The following SLC25A16 variants were observed in gnomAD, a reference collection of about 807,000 sequenced individuals.
SLC25A16 encodes the protein solute carrier family 25 member 16, also known as mitochondrial coenzyme A transporter SLC25A16.
In SLC25A16, 39 loss-of-function variants were observed where a neutral mutation model predicts 41.5. That is an observed-to-expected ratio of 0.94 (90% CI 0.73 to 1.23). The LOEUF is 1.23. Ranked by LOEUF, SLC25A16 falls within the 50% of genes most tolerant of loss-of-function variation. The pLI, the probability that SLC25A16 is intolerant of heterozygous loss-of-function variation, is 0.00. For missense variants in SLC25A16, 421 were observed against 426.9 expected (o/e 0.99, Z 0.12); for synonymous variants, 146 against 147.8 (o/e 0.99, Z 0.09).
intron 8 of SLC25A16, 59 bp from the exon 9 acceptor site, chr10:68,483,647 G>A (rs2052514399): frequency 2.8e-6 from 4 of 1,415,540 alleles, no homozygotes; most frequent in Non-Finnish European, 3.7e-6. Flanking sequence ...ACAATTTCAG[G>A]ATCCATAATA....
rs1434687303 is a variant in SLC25A16, at chr10:68,482,961, TAAC to T, written c.*468_*470del. 3 of 152,200 alleles carry T rather than the reference TAAC, an allele frequency of 2.0e-5. No individual in the cohort carries two copies. In the East Asian group the frequency reaches 5.8e-4, roughly 29 times the overall value. 9.4% of individuals were successfully genotyped at this position (152,200 alleles called of 1,614,324 possible). ...TGGAGCATAATTGTGAGAAGAGAGA[TAAC>T]AAAAATAAAATGTCAATGCTGGCTG... On this transcript the variant is annotated 3_prime_UTR_variant, in exon 9 of 9. Transcript: ENST00000609923.
Position 68,527,456 on chromosome 10 carries a change from A to T in SLC25A16, c.-81T>A. 7.4e-7 allele frequency: 1 copy of T among 1,346,116 alleles called. No homozygotes were observed. 83.4% of individuals were successfully genotyped at this position (1,346,116 alleles called of 1,614,324 possible). ...GACCATAGCCGGAACAGGCGGTGAC[A>T]GGAGGCTGACCGCCCCGCCGGCGGG... On this transcript the variant is annotated 5_prime_UTR_variant, in exon 1 of 9. Transcript: ENST00000609923.
chr10:68,495,561 A>C (rs1172292586), intron 4 of SLC25A16, among the ~76,000 whole-genome samples: 1 of 152,138 alleles, frequency 6.6e-6, no homozygotes, highest in Admixed American at 6.6e-5. Flanking sequence ...AGGTGGGTGG[A>C]TCACTTGAGA....
At chr10:68,489,411 C>T (rs913886630) in intron 6 of SLC25A16, among the ~76,000 whole-genome samples, 5 of 152,044 alleles carry the variant, frequency 3.3e-5, no homozygotes, top group African/African-American at 1.2e-4. Context: ...ATGAGAGAAG[C>T]GTTTATGTTA....
intron 2 of SLC25A16, among the ~76,000 whole-genome samples, chr10:68,509,607 G>A (rs2053018907): frequency 6.6e-6 from 1 of 151,272 alleles, no homozygotes; most frequent in Non-Finnish European, 1.5e-5. Context: ...GGAGGCTGAG[G>A]CAGGAAGATT....
At chr10:68,511,848 C>G (rs1459435908) in intron 2 of SLC25A16, among the ~76,000 whole-genome samples, 1 of 151,396 alleles carries the variant, frequency 6.6e-6, no homozygotes, top group Non-Finnish European at 1.5e-5. Flanking sequence ...TACATGCAAC[C>G]ACATGCATTT....
chr10:68,481,873 GGAATAAAGGCGT>G lies in SLC25A16; in HGVS notation c.*1547_*1558del, dbSNP rs906890201. On this transcript the variant is annotated 3_prime_UTR_variant, in exon 9 of 9. Coordinates refer to ENST00000609923, the MANE Select transcript of SLC25A16 (RefSeq NM_152707.4). ...CCCAACTCGGCCTCCCAAAGTGCTG[GGAATAAAGGCGT>G]GAGCCACCACACCTGGCCTTCTAAT... The G allele has an allele frequency of 6.6e-6, 1 of 152,184 alleles. No individual in the cohort carries two copies. The highest frequency in any genetic ancestry group is 1.5e-5 in the Non-Finnish European group (1 of 68,066). The allele number at this position is 152,184 out of a possible 1,614,324, so 9.4% of individuals were successfully genotyped here.
At chr10:68,487,263 A>G (rs2052580691) in intron 7 of SLC25A16, 51 bp from the exon 8 acceptor site, 1 of 1,295,314 alleles carries the variant, frequency 7.7e-7, no homozygotes, top group Non-Finnish European at 1.1e-6. Context: ...TTTTCTACTC[A>G]ACAACTATTG....
chr10:68,515,436 G>A (rs759617533), intron 2 of SLC25A16, among the ~76,000 whole-genome samples: 64 of 150,724 alleles, frequency 4.2e-4, no homozygotes, highest in Non-Finnish European at 8.4e-4. Context: ...TAAATTAAGC[G>A]TTAAAAAGGA....
chr10:68,513,733 T>C lies in SLC25A16; in HGVS notation c.223+3018A>G, dbSNP rs549549528. On this transcript the variant is annotated intron_variant, in intron 2 of 8. Coordinates refer to ENST00000609923, the MANE Select transcript of SLC25A16 (RefSeq NM_152707.4). ...GGTGAAACCCCATCTCTAGTAAAAATACAAAAATTAACTGGACATGGTGGC... is the reference window on the plus strand; with the variant it reads ...GGTGAAACCCCATCTCTAGTAAAAACACAAAAATTAACTGGACATGGTGGC... 5.3e-5 allele frequency among the ~76,000 whole-genome samples: 8 copies of C among 151,776 alleles called. No homozygotes were observed. The South Asian group carries it at 1.7e-3, about 32-fold the overall frequency.
Position 68,482,161 on chromosome 10 carries a change from G to C in SLC25A16, c.*1271C>G, listed in dbSNP as rs1386167069. The stretch of plus-strand genomic sequence containing the variant: ...TTGAACCCGGGAGGCAGAGGTTGCA[G>C]TGAGCTGAGATCGCGCCACTGCACT... On this transcript the variant is annotated 3_prime_UTR_variant, in exon 9 of 9. Transcript: ENST00000609923. 1 of 151,800 alleles carries C rather than the reference G, an allele frequency of 6.6e-6. No homozygotes were observed. The highest frequency in any genetic ancestry group is 2.4e-5 in the African/African-American group (1 of 41,266). The allele number at this position is 151,800 out of a possible 1,614,324, so 9.4% of individuals were successfully genotyped here. A position where few individuals can be genotyped will look rare whatever the true frequency, so the allele number is the denominator to read the frequency against.
chr10:68,507,063 AC>A (rs1451008834), intron 2 of SLC25A16, among the ~76,000 whole-genome samples: 31 of 144,228 alleles, frequency 2.1e-4, no homozygotes, highest in African/African-American at 7.8e-4. Context: ...ACTAAAGATG[AC>A]CTACTCTTTT....
intron 6 of SLC25A16, among the ~76,000 whole-genome samples, chr10:68,489,286 A>G (rs960588175): frequency 6.6e-6 from 1 of 152,150 alleles, no homozygotes; most frequent in Non-Finnish European, 1.5e-5. Flanking sequence ...AAAACAAAAC[A>G]AAACAAAAAA....
intron 2 of SLC25A16, among the ~76,000 whole-genome samples, chr10:68,509,037 C>G (rs761703275): frequency 3.3e-5 from 5 of 152,036 alleles, no homozygotes; most frequent in Non-Finnish European, 7.4e-5. Flanking sequence ...GAAATAGATA[C>G]AGTACTTCTA....
rs1554921954 is a variant in SLC25A16 at position 68,518,810 on chromosome 10, T to TAAA, written c.131-1968_131-1967insTTT. Among the ~76,000 whole-genome samples the TAAA allele has an allele frequency of 3.1e-3, 291 of 94,516 alleles. 2 individuals are homozygous for TAAA. Among genetic ancestry groups the TAAA allele is most frequent in the African/African-American group, 0.01 (232 of 22,994 alleles). The allele number at this position is 94,516 out of a possible 152,430, so 62.0% of individuals were successfully genotyped here. A position where few individuals can be genotyped will look rare whatever the true frequency, so the allele number is the denominator to read the frequency against. On this transcript the variant is annotated intron_variant, in intron 1 of 8. Coordinates refer to ENST00000609923, the MANE Select transcript of SLC25A16 (RefSeq NM_152707.4). Reference sequence around the variant, plus strand: ...TAAAATAAATAAATAAATAAATAAATTAAATAAATAAATAAATAAAATGTA... The same window carrying TAAA: ...TAAAATAAATAAATAAATAAATAAATAAATAAATAAATAAATAAATAAAATGTA...
chr10:68,524,885 A>G (rs1302224894), intron 1 of SLC25A16, among the ~76,000 whole-genome samples: 2 of 151,582 alleles, frequency 1.3e-5, no homozygotes, highest in Non-Finnish European at 2.9e-5. Context: ...TCAAAAAAGA[A>G]AAAGAAAAAA....
At chr10:68,489,248 A>G (rs1025985143) in intron 6 of SLC25A16, among the ~76,000 whole-genome samples, 11 of 152,108 alleles carry the variant, frequency 7.2e-5, no homozygotes, top group African/African-American at 2.7e-4. Context: ...CAGCCTGGGC[A>G]ACAAGAGCGA....
At chr10:68,515,868 T>A (rs998562108) in intron 2 of SLC25A16, among the ~76,000 whole-genome samples, 6 of 152,136 alleles carry the variant, frequency 3.9e-5, no homozygotes. Context: ...CTGTGAACAA[T>A]GTGACTAATA....
intron 4 of SLC25A16, among the ~76,000 whole-genome samples, chr10:68,497,254 A>G (rs1353242049): frequency 1.3e-5 from 2 of 152,214 alleles, no homozygotes; most frequent in Non-Finnish European, 2.9e-5. Flanking sequence ...TGACAAAAAT[A>G]CATAGATTCT....
Sources: allele counts gnomAD v4.1 joint callset (sites outside exome capture counted in the v4.1 genomes callset), GRCh38; gene constraint gnomAD v4.1.1; transcripts MANE v1.5; gene names NCBI Gene and HGNC (gene_info 2026-07-23, HGNC 2026-07-21).